Variants in PRIM2 observed in about 807,000 individuals in gnomAD.
PRIM2 encodes DNA primase large subunit.
A neutral mutation model predicts 67.3 loss-of-function variants in PRIM2; 39 were observed. The ratio of observed to expected loss-of-function variants is 0.58; its 90% CI spans 0.45 to 0.76. PRIM2 has a LOEUF of 0.76. Ranked by LOEUF, PRIM2 falls within the 30% of genes least tolerant of loss-of-function variation. The pLI, the probability that PRIM2 is intolerant of heterozygous loss-of-function variation, is 0.00. For missense variants in PRIM2, 398 were observed against 598.7 expected, an observed-to-expected ratio of 0.66 and a Z score of 3.50; for synonymous variants, 143 against 198.7, an observed-to-expected ratio of 0.72 and a Z score of 2.36.
At chr6:57,268,636 T>C in the PRIM2 span, among the ~76,000 whole-genome samples, 3 of 151,216 alleles carry the variant, frequency 2.0e-5, no homozygotes, top group Non-Finnish European at 4.4e-5. Context: ...TTATTTTTAA[T>C]TTTATTATTA....
chr6:57,493,652 T>C (rs1273485772), intron 7 of PRIM2, among the ~76,000 whole-genome samples: 4 of 152,212 alleles, frequency 2.6e-5, no homozygotes, highest in Admixed American at 2.0e-4. Flanking sequence ...GAAAACAAAA[T>C]TTAACTAAGA....
the PRIM2 span, among the ~76,000 whole-genome samples, chr6:57,299,349 A>G: frequency 6.6e-6 from 1 of 152,174 alleles, no homozygotes; most frequent in Non-Finnish European, 1.5e-5. Flanking sequence ...ACATTTTAAC[A>G]AAAAAAGGAC....
In PRIM2 at chr6:57,539,804, G is replaced by A. The variant is rs1247053810; in HGVS notation, c.1020+2179G>A. Among the ~76,000 whole-genome samples the A allele has an allele frequency of 3.2e-4, 48 of 152,150 alleles. 2 individuals carry two copies. The South Asian group carries it at 9.8e-3, about 31-fold the overall frequency. On this transcript the variant is annotated intron_variant, in intron 10 of 13. Transcript: ENST00000615550. ...AGGTCAGGAGTTCAAGACCAGCCTG[G>A]CCAACATGGTGAAATACCGTCTCTA...
intron 3 of PRIM2, among the ~76,000 whole-genome samples, chr6:57,322,363 T>G (rs1368077757): frequency 1.3e-5 from 2 of 151,992 alleles, no homozygotes; most frequent in African/African-American, 4.8e-5. Flanking sequence ...TTTCATATGG[T>G]TTGGCTGTGT....
At chr6:57,445,314 G>T (rs1042991176) in intron 7 of PRIM2, among the ~76,000 whole-genome samples, 1 of 152,164 alleles carries the variant, frequency 6.6e-6, no homozygotes. Flanking sequence ...GGGTGTGTGT[G>T]TGTGTATATG....
At chr6:57,603,473 T>A (rs1253158860) in intron 11 of PRIM2, among the ~76,000 whole-genome samples, 4 of 152,320 alleles carry the variant, frequency 2.6e-5, no homozygotes, top group East Asian at 1.9e-4. Context: ...ATTGACTTTG[T>A]TGAAGGTCAG....
At chr6:57,327,157 C>T (rs1204532527) in intron 5 of PRIM2, among the ~76,000 whole-genome samples, 1 of 152,084 alleles carries the variant, frequency 6.6e-6, no homozygotes, top group Non-Finnish European at 1.5e-5. Flanking sequence ...CCGCCTCGGC[C>T]TCCCAAAGTG....
intron 10 of PRIM2, among the ~76,000 whole-genome samples, chr6:57,587,821 A>T (rs1272369565): frequency 6.6e-6 from 1 of 152,120 alleles, no homozygotes; most frequent in Non-Finnish European, 1.5e-5. Context: ...CTAGGAAGGA[A>T]CTGATATCCT....
chr6:57,527,916 C>T (rs1246504824), intron 8 of PRIM2, among the ~76,000 whole-genome samples: 1 of 152,174 alleles, frequency 6.6e-6, no homozygotes, highest in Non-Finnish European at 1.5e-5. Context: ...CTTGCCCACA[C>T]TAGGCTGGTG....
At chr6:57,487,395 A>T (rs2127408099) in intron 7 of PRIM2, among the ~76,000 whole-genome samples, 1 of 152,078 alleles carries the variant, frequency 6.6e-6, no homozygotes, top group African/African-American at 2.4e-5. Context: ...TGCCTGGCTA[A>T]TTTTTGTATT....
chr6:57,336,546 G>A (rs1038789259), intron 5 of PRIM2, among the ~76,000 whole-genome samples: 4 of 152,158 alleles, frequency 2.6e-5, no homozygotes, highest in Non-Finnish European at 5.9e-5. Context: ...GAGAGTGGGG[G>A]CCAATATTCA....
chr6:57,394,403 A>G (rs1770453476), intron 7 of PRIM2, among the ~76,000 whole-genome samples: 1 of 151,804 alleles, frequency 6.6e-6, no homozygotes, highest in Non-Finnish European at 1.5e-5. Context: ...ATTCTTAAGT[A>G]TTTTATTTTA....
intron 7 of PRIM2, among the ~76,000 whole-genome samples, chr6:57,456,762 T>C (rs1373086361): frequency 6.6e-6 from 1 of 152,156 alleles, no homozygotes; most frequent in East Asian, 1.9e-4. Flanking sequence ...AGTAGTTTGA[T>C]CATCTGAAGC....
chr6:57,558,894 A>G (rs1234179211), intron 10 of PRIM2, among the ~76,000 whole-genome samples: 6 of 152,004 alleles, frequency 3.9e-5, no homozygotes, highest in African/African-American at 1.5e-4. Context: ...GTGGGTGGCC[A>G]AGGTGGGAAG....
chr6:57,373,419 T>A (rs1769635460), intron 5 of PRIM2, among the ~76,000 whole-genome samples: 1 of 152,176 alleles, frequency 6.6e-6, no homozygotes. Context: ...TTTACTCTGT[T>A]GATAGATTCT....
the PRIM2 span, among the ~76,000 whole-genome samples, chr6:57,274,932 A>G: frequency 7.0e-6 from 1 of 142,966 alleles, no homozygotes; most frequent in African/African-American, 2.7e-5. Context: ...ACGTGCCTCA[A>G]CACCTGGCTA....
chr6:57,526,213 T>C (rs1215082741), intron 8 of PRIM2, among the ~76,000 whole-genome samples: 1 of 152,212 alleles, frequency 6.6e-6, no homozygotes, highest in Admixed American at 6.5e-5. Context: ...ATTTCTAATG[T>C]AATTGAATAT....
At chr6:57,576,520 A>G (rs1283606684) in intron 10 of PRIM2, among the ~76,000 whole-genome samples, 1 of 152,214 alleles carries the variant, frequency 6.6e-6, no homozygotes, top group Non-Finnish European at 1.5e-5. Flanking sequence ...CAATCCATCA[A>G]TAACTTAATT....
chr6:57,413,791 TA>T (rs1352691168), intron 7 of PRIM2, among the ~76,000 whole-genome samples: 2 of 152,160 alleles, frequency 1.3e-5, no homozygotes, highest in East Asian at 1.9e-4. Context: ...AATACTGTTG[TA>T]AAACATTATA....
Sources: allele counts gnomAD v4.1 joint callset (sites outside exome capture counted in the v4.1 genomes callset), GRCh38; gene constraint gnomAD v4.1.1; transcripts MANE v1.5; gene names NCBI Gene and HGNC (gene_info 2026-07-23, HGNC 2026-07-21).